The following LCK variants were observed in gnomAD, a reference collection of about 807,000 sequenced individuals.
LCK encodes the protein tyrosine-protein kinase Lck.
LCK carries 14 observed loss-of-function variants against 64.6 expected under a neutral mutation model. The observed-to-expected ratio is 0.22, with a 90% CI of 0.14 to 0.34. The LOEUF (loss-of-function observed/expected upper bound fraction) is 0.34. LCK is among the 10% of genes least tolerant of loss of function. The pLI is 1.00. For missense variants in LCK, 434 were observed against 668.1 expected (o/e 0.65, Z 3.86); for synonymous variants, 277 against 263.6 (o/e 1.05, Z -0.49).
At chr1:32,255,800 A>T (rs55972286) in intron 1 of LCK, among the ~76,000 whole-genome samples, 18,029 of 132,848 alleles carry the variant, frequency 0.14, 2,066 homozygotes, top group African/African-American at 0.3. Context: ...CATTAAATTT[A>T]TTTTTTTTTT....
chr1:32,268,995 G>A (rs938604826), intron 1 of LCK, among the ~76,000 whole-genome samples: 7 of 151,328 alleles, frequency 4.6e-5, no homozygotes, highest in African/African-American at 1.2e-4. Flanking sequence ...TTAGCCAGGC[G>A]TGGTGGTGCA....
chr1:32,285,915 G>A lies in LCK; in HGVS notation c.*199G>A. On this transcript the variant is annotated 3_prime_UTR_variant, in exon 13 of 13. Coordinates refer to ENST00000336890, the MANE Select transcript of LCK (RefSeq NM_005356.5). ...GACTCTGCACATGTCTTGTACATGT[G>A]TAGCCTGTGCATGTATGTCTTGGAC... The A allele has an allele frequency of 1.6e-6, 1 of 614,904 alleles. No individual in the cohort carries two copies. Among genetic ancestry groups the A allele is most frequent in the South Asian group, 1.9e-5 (1 of 51,998 alleles). 38.1% of individuals were successfully genotyped at this position (614,904 alleles called of 1,614,324 possible).
chr1:32,261,289 C>T (rs1362984769), intron 1 of LCK, among the ~76,000 whole-genome samples: 1 of 140,806 alleles, frequency 7.1e-6, no homozygotes, highest in Non-Finnish European at 1.5e-5. Flanking sequence ...ACTCCATGGA[C>T]CAGGCTGGAG....
At chr1:32,257,235 G>T (rs969379524) in intron 1 of LCK, among the ~76,000 whole-genome samples, 59 of 134,656 alleles carry the variant, frequency 4.4e-4, no homozygotes, top group African/African-American at 1.4e-3. Context: ...AGTAAGTCTT[G>T]TTTTTTTTTT....
intron 1 of LCK, among the ~76,000 whole-genome samples, chr1:32,271,272 C>T (rs1640072726): frequency 6.6e-6 from 1 of 151,406 alleles, no homozygotes; most frequent in Non-Finnish European, 1.5e-5. Flanking sequence ...CAAAGTGCCG[C>T]GATTACAGAT....
chr1:32,265,320 C>G (rs1639880575), intron 1 of LCK, among the ~76,000 whole-genome samples: 1 of 152,130 alleles, frequency 6.6e-6, no homozygotes, highest in Non-Finnish European at 1.5e-5. Context: ...ACCTAAAGGC[C>G]TCCCCGGCAC....
chr1:32,259,508 T>C (rs953698066), intron 1 of LCK, among the ~76,000 whole-genome samples: 2 of 151,396 alleles, frequency 1.3e-5, no homozygotes, highest in Admixed American at 6.6e-5. Context: ...TAGTCCCAGC[T>C]CCTCGGGAGG....
chr1:32,266,308 T>C (rs1306117008), intron 1 of LCK, among the ~76,000 whole-genome samples: 2 of 148,048 alleles, frequency 1.4e-5, no homozygotes, highest in Admixed American at 6.8e-5. Context: ...CTGGCTAACA[T>C]GGTGAAACCC....
intron 12 of LCK, among the ~76,000 whole-genome samples, chr1:32,281,828 G>A (rs1276132258): frequency 2.6e-5 from 4 of 152,222 alleles, no homozygotes; most frequent in Admixed American, 1.3e-4. Context: ...ACTTTGGGAG[G>A]CCGAGGCGGG....
Position 32,275,413 on chromosome 1 carries a change from C to T in LCK, c.371C>T (p.Pro124Leu). 1 of 1,614,092 alleles carries T rather than the reference C, an allele frequency of 6.2e-7. No individual in the cohort carries two copies. The highest frequency in any genetic ancestry group is 1.1e-5 in the South Asian group (1 of 91,068). The change falls in exon 5 of 13, where the codon CCC (proline) becomes CTC (leucine). Residue 124 changes from proline to leucine, a missense_variant. Physicochemically the swap from Pro to Leu is moderately conservative, Grantham distance 98 (BLOSUM62 -3). Transcript: ENST00000336890. This position sits in a 1 kb window ranked among gnomAD's most constrained non-coding sequence, Gnocchi z 6.9. ...NFVAKANSLE[P>L]EPWFFKNLSR... Reference sequence around the variant, plus strand: ...GTGGCCAAAGCGAACAGCCTGGAGCCCGAACCGTAAGTGGGGACCCGTCGT... The same window carrying T: ...GTGGCCAAAGCGAACAGCCTGGAGCTCGAACCGTAAGTGGGGACCCGTCGT...
rs529018483 is a variant in LCK at position 32,267,960 on chromosome 1, C to T, written c.-5-6365C>T. ...CTGTAATCCCAGCACTTTGGGAGGC[C>T]GAGGCAGGAGGATCACAAGGTGAGG... On this transcript the variant is annotated intron_variant, in intron 1 of 12. Transcript: ENST00000336890. Among the ~76,000 whole-genome samples the T allele has an allele frequency of 3.3e-5, 5 of 151,832 alleles. No homozygotes were observed. The South Asian group carries it at 8.3e-4, about 25-fold the overall frequency.
chr1:32,276,228 C>T lies in LCK; in HGVS notation c.632-109C>T. The T allele has an allele frequency of 6.8e-7, 1 of 1,471,936 alleles. No homozygotes were observed. The allele number at this position is 1,471,936 out of a possible 1,614,324, so 91.2% of individuals were successfully genotyped here. ...AAGTGTTTGGGTGACAGCCCCACAC[C>T]CCCTTGCTAGTCCACTTCACCTAGA... On this transcript the variant is annotated intron_variant, in intron 7 of 12. Coordinates refer to ENST00000336890, the MANE Select transcript of LCK (RefSeq NM_005356.5). This position sits in a 1 kb window ranked among gnomAD's most constrained non-coding sequence, Gnocchi z 4.6.
chr1:32,256,598 T>TA (rs947732140), intron 1 of LCK, among the ~76,000 whole-genome samples: 34 of 146,204 alleles, frequency 2.3e-4, no homozygotes, highest in African/African-American at 5.0e-4. Flanking sequence ...AACTCTGTCT[T>TA]AAAAAAAAAA....
rs2124368179 is a variant in LCK, at chr1:32,279,736, A to G, written c.1030A>G (p.Met344Val). Residue 344 changes from methionine (M) to valine (V), a missense_variant, in exon 10 of 13, where the codon ATG (methionine) becomes GTG (valine). Transcript: ENST00000336890. ...GTTGACCATCAACAAACTCCTGGAC[A>G]TGGCAGCCCAAGTAAGGAGACTGGG... ...IKLTINKLLD[M>V]AAQIAEGMAF... 2 of 1,612,146 alleles carry G rather than the reference A, an allele frequency of 1.2e-6. No homozygotes were observed. The highest frequency in any genetic ancestry group is 1.1e-5 in the South Asian group (1 of 91,032).
intron 1 of LCK, among the ~76,000 whole-genome samples, chr1:32,255,575 G>T (rs1316486622): frequency 6.6e-6 from 1 of 152,156 alleles, no homozygotes; most frequent in Non-Finnish European, 1.5e-5. Flanking sequence ...CCTGGCAAGT[G>T]TTGCTGTCAT....
chr1:32,285,165 G>T (rs571767393), intron 12 of LCK, among the ~76,000 whole-genome samples: 1 of 152,154 alleles, frequency 6.6e-6, no homozygotes, highest in South Asian at 2.1e-4. Context: ...GCTTGGCGTG[G>T]TGGTGCATGC....
Position 32,285,903 on chromosome 1 carries a change from T to TACAAGA in LCK, c.*187_*188insACAAGA. The stretch of plus-strand genomic sequence containing the variant: ...TGTAGTTGCGTGGACTCTGCACATG[T>TACAAGA]CTTGTACATGTGTAGCCTGTGCATG... On this transcript the variant is annotated 3_prime_UTR_variant, in exon 13 of 13. Transcript: ENST00000336890. 1.6e-6 allele frequency: 1 copy of TACAAGA among 632,492 alleles called. No individual in the cohort carries two copies. The highest frequency in any genetic ancestry group is 2.8e-6 in the Non-Finnish European group (1 of 359,110). 39.2% of individuals were successfully genotyped at this position (632,492 alleles called of 1,614,324 possible). A position where few individuals can be genotyped will look rare whatever the true frequency, so the allele number is the denominator to read the frequency against.
At chr1:32,263,248 CG>C (rs1557574502) in intron 1 of LCK, among the ~76,000 whole-genome samples, 1 of 151,478 alleles carries the variant, frequency 6.6e-6, no homozygotes, top group Non-Finnish European at 1.5e-5. Flanking sequence ...TAAAAATTAG[CG>C]GGCATGGTGG....
chr1:32,269,655 A>G (rs1264851202), intron 1 of LCK: 1 of 151,760 alleles, frequency 6.6e-6, no homozygotes, highest in Admixed American at 6.6e-5. Context: ...GCTTGTCTCG[A>G]ACTCCTGACC....
Sources: allele counts gnomAD v4.1 joint callset (sites outside exome capture counted in the v4.1 genomes callset), GRCh38; gene constraint gnomAD v4.1.1; non-coding constraint Gnocchi (gnomAD v3.1); transcripts MANE v1.5; gene names NCBI Gene and HGNC (gene_info 2026-07-23, HGNC 2026-07-21).